The following POM121 variants were observed in gnomAD, a reference collection of about 807,000 sequenced individuals.
POM121 encodes the protein nuclear envelope pore membrane protein POM 121.
A neutral mutation model predicts 81.3 loss-of-function variants in POM121; 32 were observed. The observed-to-expected ratio is 0.39, with a 90% CI of 0.30 to 0.53. The LOEUF (loss-of-function observed/expected upper bound fraction) is 0.53, where lower values mean the gene tolerates loss of function less well. POM121 is among the 20% of genes least tolerant of loss of function. POM121 has a pLI of 0.66. For missense variants in POM121, 1,138 were observed against 1,614.6 expected, an observed-to-expected ratio of 0.70 and a Z score of 5.06; for synonymous variants, 514 against 694.2, an observed-to-expected ratio of 0.74 and a Z score of 4.08.
chr7:72,886,622 A>T (rs1472070540), intron 1 of POM121, among the ~76,000 whole-genome samples: 1 of 152,144 alleles, frequency 6.6e-6, no homozygotes, highest in African/African-American at 2.4e-5. Flanking sequence ...CTTCTAGTTG[A>T]TGATGAATTA....
intron 3 of POM121, among the ~76,000 whole-genome samples, chr7:72,910,779 T>C (rs1156708063): frequency 2.6e-5 from 4 of 151,970 alleles, no homozygotes; most frequent in Non-Finnish European, 4.4e-5. Flanking sequence ...GCTCGAAAGA[T>C]GAGGCTCCTT....
upstream of POM121, among the ~76,000 whole-genome samples, chr7:72,923,589 A>ATTTTTT (rs1187827150): frequency 2.3e-5 from 2 of 88,754 alleles, no homozygotes; most frequent in Admixed American, 1.1e-4. Flanking sequence ...CGCCCGGCTA[A>ATTTTTT]TTTTTTTTTT....
intron 7 of POM121, 151 bp from the exon 8 acceptor site, chr7:72,939,696 G>A (rs2530515): frequency 2.2e-5 from 35 of 1,597,594 alleles, no homozygotes; most frequent in Middle Eastern, 2.3e-4. Flanking sequence ...CCTTAATCTT[G>A]CAAACACCAT....
intron 5 of POM121, among the ~76,000 whole-genome samples, chr7:72,933,550 T>A (rs1304518091): frequency 6.6e-6 from 1 of 152,100 alleles, no homozygotes; most frequent in Non-Finnish European, 1.5e-5. Flanking sequence ...TGAAGCAAAG[T>A]TTTGAACGTA....
intron 3 of POM121, among the ~76,000 whole-genome samples, chr7:72,899,948 GAAGGTGGT>G (rs1267326741): frequency 2.0e-5 from 3 of 152,154 alleles, no homozygotes; most frequent in Non-Finnish European, 2.9e-5. Flanking sequence ...TCATATGAGT[GAAGGTGGT>G]AATGTGGGAC....
rs570065022 is a variant in POM121, at chr7:72,904,357, CT to C, written c.-215-9404del. Among the ~76,000 whole-genome samples the C allele has an allele frequency of 6.8e-4, 103 of 152,356 alleles. 1 individual carries two copies. The highest frequency in any genetic ancestry group is 5.1e-3 in the Admixed American group (78 of 15,302). ...GCCTCTAGTTTGCCTCAACTGTAAT[CT>C]TTTGCCTAGGCATCAGTGGGGTATG... On this transcript the variant is annotated intron_variant, in intron 3 of 15. Coordinates refer to the POM121 transcript ENST00000395270.
intron 1 of POM121, among the ~76,000 whole-genome samples, chr7:72,886,179 A>G (rs1790690852): frequency 6.6e-6 from 1 of 151,474 alleles, no homozygotes; most frequent in African/African-American, 2.4e-5. Context: ...TTATTTATTT[A>G]TTTATTTATT....
chr7:72,928,305 G>A, intron 3 of POM121, 80 bp from the exon 4 acceptor site: 1 of 1,557,912 alleles, frequency 6.4e-7, no homozygotes. Flanking sequence ...ATAGTATAAG[G>A]TCCCAGAAAT....
intron 4 of POM121, among the ~76,000 whole-genome samples, chr7:72,914,614 T>C (rs1172387874): frequency 1.3e-5 from 2 of 151,906 alleles, no homozygotes; most frequent in Non-Finnish European, 2.9e-5. Flanking sequence ...CCTCAAGCGA[T>C]CCTCCTACCT....
At chr7:72,932,226 C>T (rs1554498736) in intron 5 of POM121, among the ~76,000 whole-genome samples, 1 of 150,934 alleles carries the variant, frequency 6.6e-6, no homozygotes, top group Non-Finnish European at 1.5e-5. Context: ...TCCCTTTCCA[C>T]TCTACATTTT....
rs1586147264 is a variant in POM121 at position 72,925,478 on chromosome 7, C to A, written c.357C>A (p.Leu119=). ...PLAKSTANGN[L]LEPRTLLEGP... is the part of the protein sequence containing the mutation. ...CCAAGTCGACAGCCAACGGAAACCT[C>A]CTAGAGCCGCGGACCCTGCTCGAAG... is the stretch of plus-strand genomic sequence containing the variant. Residue 119 remains leucine (L), a synonymous_variant, in exon 1 of 13, where the codon CTC becomes CTA. Transcript: ENST00000434423. 2.0e-6 allele frequency: 3 copies of A among 1,533,790 alleles called. No homozygotes were observed. Among genetic ancestry groups the A allele is most frequent in the African/African-American group, 1.4e-5 (1 of 73,078 alleles).
intron 1 of POM121, among the ~76,000 whole-genome samples, chr7:72,889,974 A>C (rs1791139258): frequency 6.6e-6 from 1 of 152,250 alleles, no homozygotes; most frequent in Non-Finnish European, 1.5e-5. Context: ...GCATAAAGTT[A>C]AACTAATTTG....
At chr7:72,949,336 A>G, downstream of POM121, 1 of 807,192 alleles carries the variant, frequency 1.2e-6, no homozygotes, top group Non-Finnish European at 2.3e-6. Flanking sequence ...GGAAGGATCC[A>G]GCAGGACATA....
At chr7:72,931,762 G>A (rs1173040098) in intron 5 of POM121, among the ~76,000 whole-genome samples, 6 of 152,216 alleles carry the variant, frequency 3.9e-5, no homozygotes, top group Middle Eastern at 3.4e-3. Context: ...GTAGAGACGA[G>A]ATTTCACCAT....
chr7:72,949,139 G>A, downstream of POM121: 4 of 1,384,100 alleles, frequency 2.9e-6, no homozygotes, highest in Non-Finnish European at 4.1e-6. Context: ...CAGCTTCACA[G>A]GCTGCCTCAG....
At chr7:72,903,033 C>G (rs535579615) in intron 3 of POM121, among the ~76,000 whole-genome samples, 14 of 152,228 alleles carry the variant, frequency 9.2e-5, no homozygotes, top group African/African-American at 3.4e-4. Flanking sequence ...GGGCTGTACT[C>G]TCTTATGTCA....
At chr7:72,907,800 C>T (rs547903931) in intron 3 of POM121, among the ~76,000 whole-genome samples, 6 of 152,254 alleles carry the variant, frequency 3.9e-5, no homozygotes, top group East Asian at 1.9e-4. Flanking sequence ...CGTGAGCCAC[C>T]GCGCCCAGCC....
rs781838718 is a variant in POM121, at chr7:72,943,062, T to C, written c.3069T>C (p.Pro1023=). 6.8e-5 allele frequency: 110 copies of C among 1,613,902 alleles called. No individual in the cohort carries two copies. Among genetic ancestry groups the C allele is most frequent in the Non-Finnish European group, 8.6e-5 (101 of 1,179,870 alleles). ...SMIKVVPAYV[P]TPIHPIFGGA... ...TCAAGGTCGTGCCTGCGTACGTGCC[T>C]ACGCCCATCCATCCTATCTTTGGCG... The change falls in exon 11 of 13, where the codon CCT becomes CCC. Residue 1023 remains proline (P), a synonymous_variant. Transcript: ENST00000434423.
chr7:72,932,231 C>T (rs1324455420), intron 5 of POM121, among the ~76,000 whole-genome samples: 1 of 151,032 alleles, frequency 6.6e-6, no homozygotes, highest in African/African-American at 2.4e-5. Context: ...TTCCACTCTA[C>T]ATTTTTCCTT....
Sources: gnomAD v4.1 joint callset for allele counts (sites outside exome capture counted in the v4.1 genomes callset) on GRCh38, gnomAD v4.1.1 for gene constraint, MANE v1.5 for transcripts, NCBI Gene and HGNC (gene_info 2026-07-23, HGNC 2026-07-21) for gene names.